The following CMTM7 variants were observed in gnomAD, a reference collection of about 807,000 sequenced individuals.
CMTM7 encodes CKLF like MARVEL transmembrane domain containing 7, also known as CKLF-like MARVEL transmembrane domain-containing protein 7.
In CMTM7, 7 loss-of-function variants were observed where a neutral mutation model predicts 19.3. That is an observed-to-expected ratio of 0.36 (90% CI 0.21 to 0.68). The LOEUF is 0.68. Among genes scored for constraint, CMTM7 ranks in the 30% least tolerant of loss-of-function variants. The pLI, the probability that CMTM7 is intolerant of heterozygous loss-of-function variation, is 0.60. For synonymous variants in CMTM7, 87 were observed against 99.3 expected (o/e 0.88, Z 0.74); for missense variants, 193 against 232.6 (o/e 0.83, Z 1.11).
intron 1 of CMTM7, among the ~76,000 whole-genome samples, chr3:32,404,162 CTTTTTTT>C (rs5847761): frequency 5.9e-4 from 44 of 74,694 alleles, no homozygotes; most frequent in African/African-American, 1.7e-3. Flanking sequence ...CTTTTTTTTT[CTTTTTTT>C]TTTTTTTTGG....
At chr3:32,452,299 A>C in intron 3 of CMTM7, 93 bp from the exon 4 acceptor site, 1 of 1,606,224 alleles carries the variant, frequency 6.2e-7, no homozygotes, top group Non-Finnish European at 8.5e-7. Context: ...CAGAGACATG[A>C]AGGGAACAAG....
chr3:32,413,923 A>G (rs1575113016), intron 1 of CMTM7, among the ~76,000 whole-genome samples: 2 of 152,136 alleles, frequency 1.3e-5, no homozygotes, highest in Admixed American at 6.6e-5. Context: ...TGTCCACCAA[A>G]GGGACTCGCC....
At chr3:32,441,796 C>T (rs749801499) in intron 1 of CMTM7, 44 bp from the exon 2 acceptor site, 69 of 1,582,934 alleles carry the variant, frequency 4.4e-5, no homozygotes, top group South Asian at 3.6e-4. Flanking sequence ...CCTGGGTGCC[C>T]GTCTTGGGCA....
chr3:32,398,768 G>A (rs534332145), intron 1 of CMTM7, among the ~76,000 whole-genome samples: 1 of 151,968 alleles, frequency 6.6e-6, no homozygotes, highest in Non-Finnish European at 1.5e-5. Context: ...CGGATGGCTT[G>A]AGCCCAGGAG....
chr3:32,411,853 C>T (rs1354356570), intron 1 of CMTM7, among the ~76,000 whole-genome samples: 2 of 152,176 alleles, frequency 1.3e-5, no homozygotes, highest in East Asian at 1.9e-4. Context: ...CCGAGGCAGG[C>T]GGATCATTTG....
chr3:32,433,169 C>T (rs1327363811), intron 1 of CMTM7, among the ~76,000 whole-genome samples: 1 of 152,216 alleles, frequency 6.6e-6, no homozygotes, highest in Non-Finnish European at 1.5e-5. Flanking sequence ...AAGCACCAAA[C>T]CACCAGGTTT....
chr3:32,414,173 C>T (rs929087622), intron 1 of CMTM7, among the ~76,000 whole-genome samples: 1 of 152,186 alleles, frequency 6.6e-6, no homozygotes, highest in Non-Finnish European at 1.5e-5. Flanking sequence ...CCCCAGTTAA[C>T]TTTTTGCATG....
intron 1 of CMTM7, among the ~76,000 whole-genome samples, chr3:32,405,813 C>T (rs347128): frequency 0.6 from 90,772 of 152,128 alleles, 27,609 homozygotes; most frequent in Non-Finnish European, 0.65. Flanking sequence ...GACTCCATCT[C>T]CAAGCTGTCA....
At chr3:32,403,549 C>T (rs1015230117) in intron 1 of CMTM7, among the ~76,000 whole-genome samples, 1 of 152,110 alleles carries the variant, frequency 6.6e-6, no homozygotes, top group African/African-American at 2.4e-5. Flanking sequence ...CTTGTTTAAT[C>T]CTCACAACAA....
chr3:32,426,263 C>T (rs1456649901), intron 1 of CMTM7, among the ~76,000 whole-genome samples: 1 of 152,328 alleles, frequency 6.6e-6, no homozygotes, highest in Non-Finnish European at 1.5e-5. Context: ...ACACACCAGG[C>T]ACTTGGCTTC....
At chr3:32,393,564 T>C (rs943100891) in intron 1 of CMTM7, among the ~76,000 whole-genome samples, 1 of 152,076 alleles carries the variant, frequency 6.6e-6, no homozygotes, top group Admixed American at 6.5e-5. Context: ...TGTTGGTCTA[T>C]GAGTTTGGTA....
At chr3:32,393,226 A>G (rs1199672909) in intron 1 of CMTM7, among the ~76,000 whole-genome samples, 1 of 152,162 alleles carries the variant, frequency 6.6e-6, no homozygotes, top group Non-Finnish European at 1.5e-5. Flanking sequence ...AGACCTAAAG[A>G]GAAGGGGCGC....
At chr3:32,431,158 C>A (rs764794061) in intron 1 of CMTM7, among the ~76,000 whole-genome samples, 1 of 152,062 alleles carries the variant, frequency 6.6e-6, no homozygotes, top group African/African-American at 2.4e-5. Flanking sequence ...GTGGCACCTA[C>A]AAATGAGAAA....
At chr3:32,431,462 C>A (rs1455240663) in intron 1 of CMTM7, among the ~76,000 whole-genome samples, 1 of 151,882 alleles carries the variant, frequency 6.6e-6, no homozygotes, top group Non-Finnish European at 1.5e-5. Context: ...ATGGGCTGAG[C>A]CTTGTGAGTT....
intron 1 of CMTM7, among the ~76,000 whole-genome samples, chr3:32,402,805 C>A (rs1453027816): frequency 6.6e-6 from 1 of 152,136 alleles, no homozygotes; most frequent in Non-Finnish European, 1.5e-5. Flanking sequence ...CCTTGTGTTC[C>A]GCCCACCTTG....
At chr3:32,406,443 A>T (rs1575110342) in intron 1 of CMTM7, among the ~76,000 whole-genome samples, 3 of 152,176 alleles carry the variant, frequency 2.0e-5, no homozygotes, top group Admixed American at 2.0e-4. Context: ...CTTCTCAAAC[A>T]TCAACTTGTG....
chr3:32,406,415 A>G (rs1053683525), intron 1 of CMTM7, among the ~76,000 whole-genome samples: 1 of 152,160 alleles, frequency 6.6e-6, no homozygotes, highest in Non-Finnish European at 1.5e-5. Context: ...ACATTTTTGC[A>G]TGTGTTCTGA....
intron 2 of CMTM7, among the ~76,000 whole-genome samples, chr3:32,448,062 A>G (rs1479916694): frequency 1.3e-5 from 2 of 152,206 alleles, no homozygotes; most frequent in Admixed American, 1.3e-4. Context: ...CAAGCAAAGG[A>G]GAGAACAAAA....
At chr3:32,413,857 T>C (rs1696216610) in intron 1 of CMTM7, among the ~76,000 whole-genome samples, 1 of 152,166 alleles carries the variant, frequency 6.6e-6, no homozygotes, top group Non-Finnish European at 1.5e-5. Context: ...TGCTGAGGCA[T>C]TCATCCGCCG....
Sources: allele counts gnomAD v4.1 joint callset (sites outside exome capture counted in the v4.1 genomes callset), GRCh38; gene constraint gnomAD v4.1.1; transcripts MANE v1.5; gene names NCBI Gene and HGNC (gene_info 2026-07-23, HGNC 2026-07-21).